The following EEF2K variants were observed in gnomAD, a reference collection of about 807,000 sequenced individuals.
EEF2K encodes alternative protein EEF2K.
Under a neutral mutation model 93.8 loss-of-function variants are expected in EEF2K, and 70 were observed. The observed-to-expected ratio is 0.75, with a 90% confidence interval of 0.62 to 0.91. The LOEUF (loss-of-function observed/expected upper bound fraction) is 0.91, where lower values mean the gene tolerates loss of function less well. Among genes scored for constraint, EEF2K ranks in the 40% least tolerant of loss-of-function variants. EEF2K has a pLI of 0.00. For missense variants in EEF2K, 935 were observed against 972.9 expected (o/e 0.96, Z 0.52); for synonymous variants, 376 against 380.8 (o/e 0.99, Z 0.15).
chr16:22,266,818 G>A lies in EEF2K; in HGVS notation c.1706G>A (p.Gly569Asp). Residue 569 changes from glycine (G) to aspartate (D), a missense_variant, in exon 15 of 18, where the codon GGC becomes GAC. Coordinates refer to ENST00000263026, the MANE Select transcript of EEF2K (RefSeq NM_013302.5). ...ANLGELEAIVGLGLMYSQLPH... is the reference protein window; with the variant it reads ...ANLGELEAIVDLGLMYSQLPH... ...CTGGGCGAGCTGGAGGCCATCGTGG[G>A]CCTGGGACTCATGTACTCGCAGTTG... is the stretch of plus-strand genomic sequence containing the variant. 2 of 1,614,160 alleles carry A rather than the reference G, an allele frequency of 1.2e-6. No homozygotes were observed. The highest frequency in any genetic ancestry group is 1.7e-6 in the Non-Finnish European group (2 of 1,180,010).
intron 16 of EEF2K, among the ~76,000 whole-genome samples, chr16:22,279,401 C>A (rs1241069781): frequency 6.6e-6 from 1 of 151,832 alleles, no homozygotes; most frequent in Non-Finnish European, 1.5e-5. Context: ...CCACACCCAG[C>A]TTTTTGTGTG....
At chr16:22,236,032 G>A (rs541550023) in intron 2 of EEF2K, among the ~76,000 whole-genome samples, 1 of 152,112 alleles carries the variant, frequency 6.6e-6, no homozygotes, top group Non-Finnish European at 1.5e-5. Context: ...GGAACTCCAA[G>A]TGTCAAGTGA....
intron 17 of EEF2K, among the ~76,000 whole-genome samples, chr16:22,283,306 C>G (rs1173630079): frequency 4.6e-4 from 34 of 73,446 alleles, no homozygotes; most frequent in Non-Finnish European, 1.9e-4. Flanking sequence ...GAGACTCCAT[C>G]TCAAAAAAAA....
intron 15 of EEF2K, among the ~76,000 whole-genome samples, chr16:22,268,935 C>A (rs375255870): frequency 2.0e-5 from 3 of 150,458 alleles, no homozygotes; most frequent in Non-Finnish European, 1.5e-5. Context: ...CCAGCCTGGG[C>A]AACAGAGCAA....
chr16:22,264,193 G>A (rs538325830), intron 12 of EEF2K, among the ~76,000 whole-genome samples: 1 of 149,648 alleles, frequency 6.7e-6, no homozygotes, highest in East Asian at 2.0e-4. Flanking sequence ...TCAGGAAGCC[G>A]AGGCATGAGA....
At chr16:22,207,426 T>TG (rs1286743948) in intron 1 of EEF2K, among the ~76,000 whole-genome samples, 1 of 152,176 alleles carries the variant, frequency 6.6e-6, no homozygotes, top group East Asian at 1.9e-4. Flanking sequence ...ACACTAGGGC[T>TG]GGAGTCCTGG....
At chr16:22,250,743 C>T in intron 5 of EEF2K, 52 bp downstream of exon 5, 1 of 1,611,544 alleles carries the variant, frequency 6.2e-7, no homozygotes, top group Non-Finnish European at 8.5e-7. Flanking sequence ...CCCCCAGGCT[C>T]CTAAGAGCTG....
Position 22,264,830 on chromosome 16 carries a change from A to C in EEF2K, c.1390A>C (p.Ser464Arg), listed in dbSNP as rs1412364994. ...PEPREHGHSY[S>R]NRKYESDEDS... ...TTCCTCCGTTCAGGGCCACTCATAC[A>C]GTAATCGGAAGTACGAGTCTGACGA... The change falls in exon 13 of 18, where the codon AGT (serine) becomes CGT (arginine). Residue 464 changes from serine to arginine, a missense_variant. Ser to Arg is a moderately radical substitution (Grantham distance 110). Transcript: ENST00000263026. 1.9e-6 allele frequency: 3 copies of C among 1,613,962 alleles called. No individual in the cohort carries two copies. The highest frequency in any genetic ancestry group is 3.3e-5 in the Admixed American group (2 of 60,012).
rs1288138632 is a variant in EEF2K at position 22,257,773 on chromosome 16, G to T, written c.1029+3G>T. The T allele has an allele frequency of 6.2e-7, 1 of 1,613,338 alleles. No homozygotes were observed. Among genetic ancestry groups the T allele is most frequent in the Admixed American group, 1.7e-5 (1 of 59,994 alleles). On this transcript the variant is annotated splice_donor_region_variant and intron_variant, in intron 9 of 17. Transcript: ENST00000263026. ...TGAATCAGAACACCAAGCTGCTGGT[G>T]GGTGCCCAGTGTGACCCTGCTTGGC... is the stretch of plus-strand genomic sequence containing the variant.
chr16:22,254,349 C>T (rs1326690909), intron 6 of EEF2K, among the ~76,000 whole-genome samples: 7 of 152,108 alleles, frequency 4.6e-5, no homozygotes, highest in South Asian at 2.1e-4. Context: ...CCCCTCAGGC[C>T]GGTTCTCAGA....
chr16:22,238,371 A>G (rs2047189086), intron 2 of EEF2K, among the ~76,000 whole-genome samples: 1 of 152,094 alleles, frequency 6.6e-6, no homozygotes, highest in South Asian at 2.1e-4. Context: ...TCATCCCCCT[A>G]CAGATGGGCA....
intron 1 of EEF2K, among the ~76,000 whole-genome samples, chr16:22,210,740 A>C (rs1030167767): frequency 6.6e-6 from 1 of 152,168 alleles, no homozygotes; most frequent in Admixed American, 6.6e-5. Flanking sequence ...ATCTAAGCTG[A>C]GACCTGAGGG....
chr16:22,257,661 T>C lies in EEF2K; in HGVS notation c.920T>C (p.Leu307Pro). Residue 307 changes from leucine to proline, a missense_variant, in exon 9 of 18, where the codon CTC becomes CCC. Transcript: ENST00000263026. Reference sequence around the variant, plus strand: ...TCCACAGGTGTCCGCGGGATGGCGCTCTTCTTCTACTCTCATGCCTGCAAC... The same window carrying C: ...TCCACAGGTGTCCGCGGGATGGCGCCCTTCTTCTACTCTCATGCCTGCAAC... Reference protein sequence around the residue: ...DGNLGVRGMALFFYSHACNRI... With the variant: ...DGNLGVRGMAPFFYSHACNRI... 6.2e-7 allele frequency: 1 copy of C among 1,613,338 alleles called. No homozygotes were observed. The highest frequency in any genetic ancestry group is 8.5e-7 in the Non-Finnish European group (1 of 1,179,838).
In EEF2K at chr16:22,258,674, A is replaced by C; in HGVS notation, c.1210A>C (p.Ser404Arg). The C allele has an allele frequency of 1.9e-6, 3 of 1,614,144 alleles. No homozygotes were observed. Among genetic ancestry groups the C allele is most frequent in the Non-Finnish European group, 2.5e-6 (3 of 1,180,038 alleles). Residue 404 changes from serine to arginine, a missense_variant, in exon 10 of 18, where the codon AGC (serine) becomes CGC (arginine). Physicochemically the swap from Ser to Arg is moderately radical, Grantham distance 110. Coordinates refer to ENST00000263026, the MANE Select transcript of EEF2K (RefSeq NM_013302.5). Reference protein sequence around the residue: ...PSSPSSATPHSQKLDHLHWPV... With the variant: ...PSSPSSATPHRQKLDHLHWPV... ...TTCCCCATCTTCGGCCACACCACAC[A>C]GCCAGAAGCTAGACCACCTCCGTGA...
At chr16:22,270,231 G>A (rs746886703) in intron 15 of EEF2K, among the ~76,000 whole-genome samples, 2 of 151,604 alleles carry the variant, frequency 1.3e-5, no homozygotes, top group African/African-American at 2.4e-5. Context: ...CAATTCTCCT[G>A]CCTTGGCTCC....
intron 4 of EEF2K, 143 bp from the exon 5 acceptor site, chr16:22,250,511 G>A (rs1475500885): frequency 2.1e-6 from 2 of 965,568 alleles, no homozygotes; most frequent in Non-Finnish European, 3.2e-6. Flanking sequence ...AGACATAGAA[G>A]GGAGATCCCC....
intron 6 of EEF2K, among the ~76,000 whole-genome samples, chr16:22,252,143 T>C (rs2047357916): frequency 6.6e-6 from 1 of 152,198 alleles, no homozygotes; most frequent in Non-Finnish European, 1.5e-5. Flanking sequence ...AATGTTTTTA[T>C]CCTCAATTAC....
intron 12 of EEF2K, among the ~76,000 whole-genome samples, chr16:22,264,373 T>C (rs1225357937): frequency 1.4e-5 from 2 of 146,544 alleles, no homozygotes; most frequent in African/African-American, 5.1e-5. Flanking sequence ...AGGAGGGCAA[T>C]GTGAGAGGAT....
rs1196577276 is a variant in EEF2K at position 22,280,245 on chromosome 16, A to C, written c.1937A>C (p.Glu646Ala). The change falls in exon 17 of 18, where the codon GAG becomes GCG. Residue 646 changes from glutamate to alanine, a missense_variant. Physicochemically the swap from Glu to Ala is moderately radical, Grantham distance 107. Transcript: ENST00000263026. Reference sequence around the variant, plus strand: ...CTGCACTGGTACAACACTGCCCTGGAGATGACGGACTGTGATGAGGGCGGT... The same window carrying C: ...CTGCACTGGTACAACACTGCCCTGGCGATGACGGACTGTGATGAGGGCGGT... ...EALHWYNTAL[E>A]MTDCDEGGEY... 3 of 1,601,274 alleles carry C rather than the reference A, an allele frequency of 1.9e-6. No homozygotes were observed. The highest frequency in any genetic ancestry group is 2.2e-5 in the South Asian group (2 of 88,978).
Sources: allele counts gnomAD v4.1 joint callset (sites outside exome capture counted in the v4.1 genomes callset), GRCh38; gene constraint gnomAD v4.1.1; transcripts MANE v1.5; gene names NCBI Gene and HGNC (gene_info 2026-07-23, HGNC 2026-07-21).